CALD1: variants seen among roughly 807,000 people sequenced by gnomAD.
CALD1 encodes the protein caldesmon.
A neutral mutation model predicts 99.9 loss-of-function variants in CALD1; 33 were observed. That is an observed-to-expected ratio of 0.33 (90% CI 0.25 to 0.44). The LOEUF is 0.44. Ranked by LOEUF, CALD1 falls within the 20% of genes least tolerant of loss-of-function variation. The pLI, the probability that CALD1 is intolerant of heterozygous loss-of-function variation, is 1.00. For synonymous variants in CALD1, 310 were observed against 325.0 expected (o/e 0.95, Z 0.50); for missense variants, 861 against 962.1 (o/e 0.89, Z 1.39).
chr7:134,812,233 C>G (rs1296526802), intron 1 of CALD1, among the ~76,000 whole-genome samples: 1 of 152,136 alleles, frequency 6.6e-6, no homozygotes, highest in African/African-American at 2.4e-5. Context: ...AAGCTGCATG[C>G]TACCATTACT....
intron 13 of CALD1, chr7:134,961,451 T>C (rs942321563): frequency 1.2e-4 from 18 of 152,356 alleles, no homozygotes; most frequent in Admixed American, 6.5e-4. Context: ...AGAAAAAGTT[T>C]CCAATCCTAG....
chr7:134,910,402 C>T (rs79299235), intron 3 of CALD1, among the ~76,000 whole-genome samples: 1 of 152,194 alleles, frequency 6.6e-6, no homozygotes, highest in African/African-American at 2.4e-5. Context: ...CAAACATGCT[C>T]AGTTTACCTA....
At position 134,940,048 on chromosome 7, in the gene CALD1, T is replaced by C. The variant is rs938881781; in HGVS notation, c.1387-1044T>C. Among the ~76,000 whole-genome samples, 6 of 152,152 alleles carry C rather than the reference T, an allele frequency of 3.9e-5. No individual in the cohort carries two copies. The East Asian group carries it at 5.8e-4, about 15-fold the overall frequency. Reference sequence around the variant, plus strand: ...GAAGAGGTGAGTGATCAGGTCAGGATAGAACCTCCTAGGCCACAACACCTA... The same window carrying C: ...GAAGAGGTGAGTGATCAGGTCAGGACAGAACCTCCTAGGCCACAACACCTA... On this transcript the variant is annotated intron_variant, in intron 6 of 14. Transcript: ENST00000361675.
intron 4 of CALD1, 91 bp downstream of exon 4, chr7:134,928,991 C>A (rs2132909296): frequency 1.8e-6 from 2 of 1,107,354 alleles, no homozygotes; most frequent in East Asian, 2.5e-5. Flanking sequence ...CCTTTCTCAG[C>A]CCAACTCAAC....
intron 1 of CALD1, among the ~76,000 whole-genome samples, chr7:134,818,580 A>G (rs1447077470): frequency 6.6e-6 from 1 of 152,218 alleles, no homozygotes; most frequent in Non-Finnish European, 1.5e-5. Context: ...TCTACTTCAA[A>G]GAAAGGTTCC....
chr7:134,959,603 G>A (rs528947803), intron 11 of CALD1, among the ~76,000 whole-genome samples: 4 of 152,054 alleles, frequency 2.6e-5, no homozygotes, highest in Non-Finnish European at 5.9e-5. Context: ...CCTGGAGGTC[G>A]TGGCTGTAGT....
chr7:134,808,865 T>C (rs1798250345), intron 1 of CALD1, among the ~76,000 whole-genome samples: 1 of 152,224 alleles, frequency 6.6e-6, no homozygotes, highest in Admixed American at 6.5e-5. Flanking sequence ...ACATATATTG[T>C]CTGCACTGAA....
the CALD1 span, among the ~76,000 whole-genome samples, chr7:134,734,730 A>G: frequency 6.6e-6 from 1 of 152,142 alleles, no homozygotes. Context: ...CTGCTGCCAC[A>G]TAAGATGTGA....
At chr7:134,935,810 CA>C in intron 6 of CALD1, 45 bp downstream of exon 6, 2 of 1,531,272 alleles carry the variant, frequency 1.3e-6, no homozygotes, top group Non-Finnish European at 1.8e-6. Context: ...ACAGAAAAAG[CA>C]GTCAGTGTTC....
In CALD1 at chr7:134,807,816, C is replaced by T. The variant is rs559360438; in HGVS notation, c.-130+28067C>T. 4.6e-5 allele frequency among the ~76,000 whole-genome samples: 7 copies of T among 152,148 alleles called. No individual in the cohort carries two copies. In the East Asian group the frequency reaches 5.8e-4, roughly 13 times the overall value. ...CTAATTTTTGTACTTTTATTAGAGA[C>T]GGGGTTTCACCATGTTGGCCAGGCT... is the stretch of plus-strand genomic sequence containing the variant. On this transcript the variant is annotated intron_variant, in intron 1 of 14. Transcript: ENST00000361675.
At chr7:134,745,394 G>A (rs1425545418) in intron 1 of CALD1, 2 of 152,148 alleles carry the variant, frequency 1.3e-5, no homozygotes, top group Non-Finnish European at 2.9e-5. Context: ...ATATCTGGGT[G>A]GGAGAAATTG....
At chr7:134,869,572 A>C (rs571350943) in intron 3 of CALD1, among the ~76,000 whole-genome samples, 2 of 152,196 alleles carry the variant, frequency 1.3e-5, no homozygotes, top group Non-Finnish European at 2.9e-5. Context: ...AGACGGTTCC[A>C]AAGAATATAC....
At chr7:134,739,477 G>C (rs1171427984), upstream of CALD1, among the ~76,000 whole-genome samples, 1 of 152,122 alleles carries the variant, frequency 6.6e-6, no homozygotes, top group African/African-American at 2.4e-5. Context: ...AGCCAAGCTT[G>C]CTGTTCACTT....
intron 2 of CALD1, among the ~76,000 whole-genome samples, chr7:134,854,531 CT>C (rs1201138713): frequency 6.6e-6 from 1 of 151,968 alleles, no homozygotes; most frequent in Non-Finnish European, 1.5e-5. Flanking sequence ...ATGTAGGGGC[CT>C]TTTGTTTAAT....
At chr7:134,958,887 A>ATATATATATATATATATATATATTTAAC (rs1248206645) in intron 11 of CALD1, among the ~76,000 whole-genome samples, 2 of 96,258 alleles carry the variant, frequency 2.1e-5, no homozygotes. Context: ...ATATATATAT[A>ATATATATATATATATATATATATTTAAC]TATATATATA....
intron 14 of CALD1, among the ~76,000 whole-genome samples, chr7:134,965,845 AAAAAAAAT>A: frequency 6.6e-6 from 1 of 152,148 alleles, no homozygotes; most frequent in African/African-American, 2.4e-5. Flanking sequence ...CAAAAAAAAA[AAAAAAAAT>A]ATTCAAAAGT....
chr7:134,879,308 CAT>C (rs113810574), intron 3 of CALD1, among the ~76,000 whole-genome samples: 5 of 152,342 alleles, frequency 3.3e-5, no homozygotes, highest in South Asian at 2.1e-4. Context: ...AAAGAGGAAT[CAT>C]GTGCATATTT....
chr7:134,869,596 G>A (rs891576061), intron 3 of CALD1, among the ~76,000 whole-genome samples: 1 of 152,188 alleles, frequency 6.6e-6, no homozygotes, highest in Non-Finnish European at 1.5e-5. Context: ...TGAGGAGCTG[G>A]AAGGAAAGTC....
chr7:134,863,980 C>A (rs960309673), intron 2 of CALD1, among the ~76,000 whole-genome samples: 2 of 152,124 alleles, frequency 1.3e-5, no homozygotes, highest in African/African-American at 4.8e-5. Flanking sequence ...GAAGCCCTGG[C>A]GTGGTGGTAA....
Sources: gnomAD v4.1 joint callset for allele counts (sites outside exome capture counted in the v4.1 genomes callset) on GRCh38, gnomAD v4.1.1 for gene constraint, MANE v1.5 for transcripts, NCBI Gene and HGNC (gene_info 2026-07-23, HGNC 2026-07-21) for gene names.